The following CHD6 variants were observed in gnomAD, a reference collection of about 807,000 sequenced individuals.
CHD6 encodes ATP-dependent chromatin remodeler CHD6.
In CHD6, 50 loss-of-function variants were observed where a neutral mutation model predicts 276.9. That is an observed-to-expected ratio of 0.18 (90% CI 0.14 to 0.23). CHD6 has a LOEUF of 0.23. CHD6 is among the 10% of genes least tolerant of loss of function. The probability of loss-of-function intolerance (pLI) is 1.00; values close to 1 mark genes in which losing one functional copy is unlikely to be tolerated. For missense variants in CHD6, 2,564 were observed against 3,365.8 expected, an observed-to-expected ratio of 0.76 and a Z score of 5.89; for synonymous variants, 1,173 against 1,229.3, an observed-to-expected ratio of 0.95 and a Z score of 0.96.
chr20:41,501,816 T>C (rs1470176512), intron 5 of CHD6, among the ~76,000 whole-genome samples: 2 of 152,204 alleles, frequency 1.3e-5, no homozygotes, highest in Non-Finnish European at 1.5e-5. Context: ...GGTGACTTGA[T>C]AATGTCAGTC....
chr20:41,608,045 C>T (rs137901527), intron 1 of CHD6, among the ~76,000 whole-genome samples: 379 of 152,252 alleles, frequency 2.5e-3, no homozygotes, highest in Non-Finnish European at 4.1e-3. Context: ...GAGTCTAGCA[C>T]CATACCTGGC....
In CHD6 at chr20:41,452,248, T is replaced by C. The variant is rs986534643; in HGVS notation, c.3324-223A>G. On this transcript the variant is annotated intron_variant, in intron 21 of 36. Coordinates refer to ENST00000373233, the MANE Select transcript of CHD6 (RefSeq NM_032221.5). This position sits in a 1 kb window ranked among gnomAD's most constrained non-coding sequence, Gnocchi z 4.2. ...GACGTTGGACACTGAGAGCTTCATA[T>C]GGCCACTACAATGTTAAAAAGGGAG... Among the ~76,000 whole-genome samples, 28 of 152,198 alleles carry C rather than the reference T, an allele frequency of 1.8e-4. No individual in the cohort carries two copies. Among genetic ancestry groups the C allele is most frequent in the Admixed American group, 1.7e-3 (26 of 15,288 alleles).
intron 2 of CHD6, among the ~76,000 whole-genome samples, chr20:41,549,392 G>A: frequency 6.8e-6 from 1 of 147,076 alleles, no homozygotes; most frequent in Admixed American, 6.8e-5. Flanking sequence ...CTATCACAAG[G>A]ACAAAAAACC....
intron 29 of CHD6, among the ~76,000 whole-genome samples, chr20:41,424,947 T>A (rs2047314072): frequency 6.6e-6 from 1 of 152,142 alleles, no homozygotes; most frequent in Admixed American, 6.5e-5. Flanking sequence ...GAGTGTCAAG[T>A]TAGAAAATCA....
In CHD6 at chr20:41,404,308, G is replaced by A; in HGVS notation, c.*285C>T. 8.8e-7 allele frequency: 1 copy of A among 1,131,268 alleles called. No homozygotes were observed. The highest frequency in any genetic ancestry group is 4.2e-5 in the East Asian group (1 of 23,582). The allele number at this position is 1,131,268 out of a possible 1,614,324, so 70.1% of individuals were successfully genotyped here. On this transcript the variant is annotated 3_prime_UTR_variant, in exon 37 of 37. Transcript: ENST00000373233. ...AGTGGGAAACTTGGAAGAGAAGGGGGTAGGGCGTGTCACCAAGTACTGTAT... is the reference window on the plus strand; with the variant it reads ...AGTGGGAAACTTGGAAGAGAAGGGGATAGGGCGTGTCACCAAGTACTGTAT...
At chr20:41,603,155 C>T (rs1347392646) in intron 1 of CHD6, among the ~76,000 whole-genome samples, 1 of 151,736 alleles carries the variant, frequency 6.6e-6, no homozygotes, top group East Asian at 2.0e-4. Context: ...GAGTTTGAGT[C>T]CAGCCTGGCC....
At chr20:41,489,679 A>C in intron 12 of CHD6, 99 bp downstream of exon 12, 2 of 1,468,648 alleles carry the variant, frequency 1.4e-6, no homozygotes, top group Non-Finnish European at 1.9e-6. Context: ...TTCCACATTA[A>C]TACAAGATGC....
chr20:41,555,280 A>C, intron 1 of CHD6, among the ~76,000 whole-genome samples: 1 of 118,154 alleles, frequency 8.5e-6, no homozygotes, highest in Non-Finnish European at 1.7e-5. Flanking sequence ...GGCCGGGCAG[A>C]GGGGCTCCTC....
rs562870949 is a variant in CHD6 at position 41,421,410 on chromosome 20, T to G, written c.5225A>C (p.Asp1742Ala). The change falls in exon 31 of 37, where the codon GAT (aspartate) becomes GCT (alanine). Residue 1742 changes from aspartate (D) to alanine (A), a missense_variant. Coordinates refer to ENST00000373233, the MANE Select transcript of CHD6 (RefSeq NM_032221.5). The stretch of plus-strand genomic sequence containing the variant: ...AGGGCCACCAGACTGGCAGTTCCCA[T>G]CTTTGCTTATTGAGATGGTAATAAC... ...KDVITISISK[D>A]GNCQSGGPEA... 3 of 1,614,148 alleles carry G rather than the reference T, an allele frequency of 1.9e-6. No homozygotes were observed. Among genetic ancestry groups the G allele is most frequent in the South Asian group, 2.2e-5 (2 of 91,064 alleles).
At chr20:41,535,256 A>G (rs1341520461) in intron 2 of CHD6, among the ~76,000 whole-genome samples, 1 of 152,248 alleles carries the variant, frequency 6.6e-6, no homozygotes, top group Non-Finnish European at 1.5e-5. Context: ...CAAGAGCTGC[A>G]GCTAACATTT....
intron 2 of CHD6, among the ~76,000 whole-genome samples, chr20:41,537,789 TA>T (rs1488517892): frequency 1.3e-5 from 2 of 152,126 alleles, no homozygotes; most frequent in Middle Eastern, 3.2e-3. Context: ...GGTGGGAATA[TA>T]AAATGGTGAA....
rs577785906 is a variant in CHD6 at position 41,414,570 on chromosome 20, A to G, written c.6939+616T>C. On this transcript the variant is annotated intron_variant, in intron 34 of 36. Transcript: ENST00000373233. Reference sequence around the variant, plus strand: ...AACATGAAACATTAAACAAAGCGTAAAAGGGATCTCTCTTGGCCAGGTATA... The same window carrying G: ...AACATGAAACATTAAACAAAGCGTAGAAGGGATCTCTCTTGGCCAGGTATA... 5 of 182,156 alleles carry G rather than the reference A, an allele frequency of 2.7e-5. No homozygotes were observed. In the East Asian group the frequency reaches 4.5e-4, roughly 17 times the overall value. 11.3% of individuals were successfully genotyped at this position (182,156 alleles called of 1,614,324 possible).
At chr20:41,457,136 C>T in intron 18 of CHD6, 128 bp downstream of exon 18, 4 of 1,065,030 alleles carry the variant, frequency 3.8e-6, no homozygotes, top group South Asian at 3.9e-5. Flanking sequence ...AGGGAATTAC[C>T]CAATAATGAT....
At chr20:41,471,091 G>T (rs1042790648) in intron 17 of CHD6, among the ~76,000 whole-genome samples, 1 of 152,150 alleles carries the variant, frequency 6.6e-6, no homozygotes, top group Non-Finnish European at 1.5e-5. Context: ...ATCTGAAAAG[G>T]GCCTGATAGT....
intron 2 of CHD6, 61 bp downstream of exon 2, chr20:41,551,244 C>T: frequency 9.0e-7 from 1 of 1,108,620 alleles, no homozygotes; most frequent in East Asian, 2.5e-5. Context: ...AGTGTCTCCC[C>T]TTGTTGAAAA....
At chr20:41,425,996 C>T in intron 28 of CHD6, 97 bp downstream of exon 28, 1 of 908,984 alleles carries the variant, frequency 1.1e-6, no homozygotes. Flanking sequence ...TTAAAAGAGC[C>T]TCCTTAAAAA....
At chr20:41,520,215 T>G (rs549206332) in intron 3 of CHD6, among the ~76,000 whole-genome samples, 23 of 152,224 alleles carry the variant, frequency 1.5e-4, no homozygotes, top group Non-Finnish European at 2.5e-4. Context: ...ACTTTTACAC[T>G]GTTGGTGGGA....
intron 17 of CHD6, among the ~76,000 whole-genome samples, chr20:41,461,075 G>A (rs150905405): frequency 6.6e-6 from 1 of 152,308 alleles, no homozygotes; most frequent in East Asian, 1.9e-4. Context: ...GGTGGATTTT[G>A]GACTTCCATG....
chr20:41,594,414 T>G (rs2045696792), intron 1 of CHD6, among the ~76,000 whole-genome samples: 1 of 152,210 alleles, frequency 6.6e-6, no homozygotes, highest in Non-Finnish European at 1.5e-5. Flanking sequence ...CTGAAGACAT[T>G]GTGCTCCACT....
Sources: gnomAD v4.1 joint callset for allele counts (sites outside exome capture counted in the v4.1 genomes callset) on GRCh38, gnomAD v4.1.1 for gene constraint, Gnocchi (gnomAD v3.1) non-coding constraint, MANE v1.5 for transcripts, NCBI Gene and HGNC (gene_info 2026-07-23, HGNC 2026-07-21) for gene names.